Variants in PIK3C2G observed in about 807,000 individuals in gnomAD.
PIK3C2G encodes the protein phosphatidylinositol-4-phosphate 3-kinase catalytic subunit type 2 gamma.
A neutral mutation model predicts 181.1 loss-of-function variants in PIK3C2G; 168 were observed. The ratio of observed to expected loss-of-function variants is 0.93; its 90% CI spans 0.82 to 1.05. The LOEUF (loss-of-function observed/expected upper bound fraction) is 1.05, where lower values mean the gene tolerates loss of function less well. Ranked by LOEUF, PIK3C2G falls within the 50% of genes least tolerant of loss-of-function variation. PIK3C2G has a pLI of 0.00. For missense variants in PIK3C2G, 1,869 were observed against 1,732.8 expected (o/e 1.08, Z -1.40); for synonymous variants, 573 against 592.2 (o/e 0.97, Z 0.47).
At chr12:18,249,468 C>G (rs1338293481) in intron 1 of PIK3C2G, among the ~76,000 whole-genome samples, 1 of 152,036 alleles carries the variant, frequency 6.6e-6, no homozygotes, top group African/African-American at 2.4e-5. Flanking sequence ...CCTTTTCATC[C>G]TACTCATGGT....
intron 26 of PIK3C2G, among the ~76,000 whole-genome samples, chr12:18,557,438 T>G (rs117869305): frequency 0.02 from 3,072 of 152,006 alleles, 36 homozygotes; most frequent in Non-Finnish European, 0.033. Context: ...ATACAGAAAG[T>G]GTAGTTAATA....
chr12:18,349,728 T>C (rs142815695), intron 11 of PIK3C2G, among the ~76,000 whole-genome samples: 1 of 152,322 alleles, frequency 6.6e-6, no homozygotes, highest in Non-Finnish European at 1.5e-5. Flanking sequence ...TTTGTGTATG[T>C]ATTTCATGAT....
chr12:18,502,705 A>G lies in PIK3C2G; in HGVS notation c.3017-576A>G, dbSNP rs938555738. Among the ~76,000 whole-genome samples, 3 of 152,008 alleles carry G rather than the reference A, an allele frequency of 2.0e-5. 1 individual carries two copies. Among genetic ancestry groups the G allele is most frequent in the Admixed American group, 6.6e-5 (1 of 15,262 alleles). ...AGTTCAATCAATATATGCTCCCTTT[A>G]AAAAAAATTACTATTGTAGTTTCTC... On this transcript the variant is annotated intron_variant, in intron 22 of 32. Transcript: ENST00000538779.
At chr12:18,275,742 A>C (rs982136714) in intron 1 of PIK3C2G, among the ~76,000 whole-genome samples, 5 of 152,090 alleles carry the variant, frequency 3.3e-5, no homozygotes, top group African/African-American at 1.2e-4. Context: ...GGCTTTGCCA[A>C]ATTCATATCC....
At position 18,640,502 on chromosome 12, in the gene PIK3C2G, G is replaced by T; in HGVS notation, c.4256G>T (p.Arg1419Met). The T allele has an allele frequency of 6.2e-7, 1 of 1,606,070 alleles. No individual in the cohort carries two copies. Among genetic ancestry groups the T allele is most frequent in the Non-Finnish European group, 8.5e-7 (1 of 1,175,384 alleles). ...TTACCATATCCCAGTGAAGTTCGTA[G>T]GAGGAAAACAAAATCTGTTCCAAAA... Reference protein sequence around the residue: ...YLLPYPSEVRRRKTKSVPKCT... With the variant: ...YLLPYPSEVRMRKTKSVPKCT... The change falls in exon 32 of 33, where the codon AGG (arginine) becomes ATG (methionine). Residue 1419 changes from arginine to methionine, a missense_variant. Physicochemically the swap from Arg to Met is moderately conservative, Grantham distance 91. Coordinates refer to ENST00000538779, the MANE Select transcript of PIK3C2G (RefSeq NM_001288772.2).
Position 18,497,616 on chromosome 12 carries a change from C to G in PIK3C2G, c.2887-3C>G. ...CCAGGGTCTATAATTTTGTTTTTAA[C>G]AGGCTGGAGATGATCTTCGTCAGGA... On this transcript the variant is annotated splice_polypyrimidine_tract_variant and splice_region_variant and intron_variant, in intron 21 of 32. Transcript: ENST00000538779. The G allele has an allele frequency of 6.2e-7, 1 of 1,608,322 alleles. No homozygotes were observed. The highest frequency in any genetic ancestry group is 1.1e-5 in the South Asian group (1 of 90,222).
chr12:18,662,426 T>C, the PIK3C2G span, among the ~76,000 whole-genome samples: 39 of 151,768 alleles, frequency 2.6e-4, no homozygotes, highest in African/African-American at 9.2e-4. Flanking sequence ...TGAGGAAATT[T>C]ATGACCCTAG....
At chr12:18,525,058 T>C (rs183414457) in intron 24 of PIK3C2G, among the ~76,000 whole-genome samples, 32 of 152,230 alleles carry the variant, frequency 2.1e-4, no homozygotes, top group Admixed American at 2.0e-3. Flanking sequence ...TTTTCTTTTA[T>C]TTAAAATTAT....
rs181066002 is a variant in PIK3C2G at position 18,477,645 on chromosome 12, C to T, written c.2505-10804C>T. Among the ~76,000 whole-genome samples the T allele has an allele frequency of 1.7e-4, 26 of 152,248 alleles. No homozygotes were observed. In the East Asian group the frequency reaches 3.1e-3, roughly 18 times the overall value. On this transcript the variant is annotated intron_variant, in intron 18 of 32. Transcript: ENST00000538779. The stretch of plus-strand genomic sequence containing the variant: ...TAGGGGACAAGTTCTTTTATGACAA[C>T]GAACGAGAATGCTGCAGAAGTTTTC...
chr12:18,415,168 T>C (rs1945104662), intron 16 of PIK3C2G, among the ~76,000 whole-genome samples: 1 of 152,266 alleles, frequency 6.6e-6, no homozygotes, highest in African/African-American at 2.4e-5. Flanking sequence ...AATTCACAGA[T>C]AGTGTGTTTT....
intron 29 of PIK3C2G, among the ~76,000 whole-genome samples, chr12:18,571,317 G>A (rs932340487): frequency 2.0e-5 from 3 of 150,140 alleles, no homozygotes; most frequent in East Asian, 1.9e-4. Flanking sequence ...GGGCAATTTC[G>A]GTAAAAATTC....
intron 31 of PIK3C2G, among the ~76,000 whole-genome samples, chr12:18,623,557 T>G (rs1472401240): frequency 6.6e-6 from 1 of 151,800 alleles, no homozygotes; most frequent in African/African-American, 2.4e-5. Flanking sequence ...GGATTCCTTT[T>G]TTTCTATATC....
At chr12:18,536,188 T>C (rs1399747186) in intron 24 of PIK3C2G, among the ~76,000 whole-genome samples, 1 of 152,082 alleles carries the variant, frequency 6.6e-6, no homozygotes, top group African/African-American at 2.4e-5. Flanking sequence ...ACAGAGTAAA[T>C]TAAATCTTGG....
the PIK3C2G span, among the ~76,000 whole-genome samples, chr12:18,698,029 T>C: frequency 6.6e-6 from 1 of 151,488 alleles, no homozygotes; most frequent in African/African-American, 2.4e-5. Flanking sequence ...TTATAATTAA[T>C]TTATGCTGTG....
At chr12:18,319,537 G>A (rs1390176954) in intron 6 of PIK3C2G, among the ~76,000 whole-genome samples, 1 of 151,080 alleles carries the variant, frequency 6.6e-6, no homozygotes, top group Non-Finnish European at 1.5e-5. Context: ...AGCCTATGAA[G>A]GTATTTAAAT....
At chr12:18,379,532 A>G (rs997187458) in intron 13 of PIK3C2G, among the ~76,000 whole-genome samples, 1 of 152,222 alleles carries the variant, frequency 6.6e-6, no homozygotes, top group Non-Finnish European at 1.5e-5. Context: ...ATGCTGGGTC[A>G]CTCAGATAAA....
rs763147143 is a variant in PIK3C2G, at chr12:18,381,834, C to T, written c.1949C>T (p.Thr650Ile). The T allele has an allele frequency of 6.2e-7, 1 of 1,613,702 alleles. No homozygotes were observed. The highest frequency in any genetic ancestry group is 8.5e-7 in the Non-Finnish European group (1 of 1,179,616). Residue 650 changes from threonine (T) to isoleucine (I), a missense_variant, in exon 14 of 33, where the codon ACT (threonine) becomes ATT (isoleucine). By Grantham distance (89) the Thr-to-Ile change is moderately conservative (BLOSUM62 -1). Coordinates refer to ENST00000538779, the MANE Select transcript of PIK3C2G (RefSeq NM_001288772.2). ...AGTGAGCCTCCCGTAGAAATGATAA[C>T]TCCAGGAGTGTGGGATGTAAGTCAG... ...LQSEPPVEMI[T>I]PGVWDVSQPS...
the PIK3C2G span, among the ~76,000 whole-genome samples, chr12:18,706,152 G>T: frequency 7.3e-5 from 11 of 150,954 alleles, no homozygotes; most frequent in Admixed American, 4.6e-4. Flanking sequence ...AGAATTGCTT[G>T]AACCGGGAGG....
intron 30 of PIK3C2G, among the ~76,000 whole-genome samples, chr12:18,603,487 G>A (rs915621094): frequency 1.3e-5 from 2 of 152,110 alleles, no homozygotes; most frequent in African/African-American, 4.8e-5. Context: ...AGCCTTGCCG[G>A]AGTCCTAGAC....
Sources: gnomAD v4.1 joint callset for allele counts (sites outside exome capture counted in the v4.1 genomes callset) on GRCh38, gnomAD v4.1.1 for gene constraint, MANE v1.5 for transcripts, NCBI Gene and HGNC (gene_info 2026-07-23, HGNC 2026-07-21) for gene names.